Variants in KIF13B observed in about 807,000 individuals in gnomAD.
KIF13B encodes the protein kinesin family member 13B, also known as kinesin-like protein KIF13B.
In KIF13B, 127 loss-of-function variants were observed where a neutral mutation model predicts 222.0. That is an observed-to-expected ratio of 0.57 (90% CI 0.50 to 0.66). The LOEUF (loss-of-function observed/expected upper bound fraction) is 0.66. Ranked by LOEUF, KIF13B falls within the 30% of genes least tolerant of loss-of-function variation. The probability of loss-of-function intolerance (pLI) is 0.00; values close to 1 mark genes in which losing one functional copy is unlikely to be tolerated. For missense variants in KIF13B, 2,173 were observed against 2,379.0 expected, an observed-to-expected ratio of 0.91 and a Z score of 1.80; for synonymous variants, 976 against 919.0, an observed-to-expected ratio of 1.06 and a Z score of -1.12.
Position 29,147,610 on chromosome 8 carries a change from C to G in KIF13B, c.1814-8G>C. 4 of 1,596,916 alleles carry G rather than the reference C, an allele frequency of 2.5e-6. No homozygotes were observed. Among genetic ancestry groups the G allele is most frequent in the Non-Finnish European group, 3.4e-6 (4 of 1,167,256 alleles). On this transcript the variant is annotated splice_region_variant and splice_polypyrimidine_tract_variant and intron_variant, in intron 16 of 39. Transcript: ENST00000524189. ...ATATGGACTGCATCGGATCTAAACA[C>G]ATTTTTAAAAAAGATACATGATCGA...
chr8:29,084,464 A>G (rs925187282), intron 37 of KIF13B, among the ~76,000 whole-genome samples: 5 of 152,190 alleles, frequency 3.3e-5, no homozygotes, highest in Non-Finnish European at 5.9e-5. Flanking sequence ...CTCTTTCTAC[A>G]CAAGCCTTTA....
At chr8:29,080,666 G>A (rs901410327) in intron 37 of KIF13B, among the ~76,000 whole-genome samples, 1 of 152,158 alleles carries the variant, frequency 6.6e-6, no homozygotes, top group African/African-American at 2.4e-5. Flanking sequence ...TCTAACTTTT[G>A]TGTAAAAACC....
At chr8:29,112,374 A>G (rs1424352890) in intron 32 of KIF13B, among the ~76,000 whole-genome samples, 1 of 146,998 alleles carries the variant, frequency 6.8e-6, no homozygotes, top group Non-Finnish European at 1.5e-5. Flanking sequence ...CGGAGGTTGC[A>G]GTGAGCCAAG....
At chr8:29,184,306 G>A (rs533305460) in intron 6 of KIF13B, among the ~76,000 whole-genome samples, 1 of 151,512 alleles carries the variant, frequency 6.6e-6, no homozygotes, top group Non-Finnish European at 1.5e-5. Flanking sequence ...CATTTACTTT[G>A]AATCTTCAGA....
intron 26 of KIF13B, among the ~76,000 whole-genome samples, chr8:29,125,714 A>G (rs1473950034): frequency 6.6e-6 from 1 of 151,692 alleles, no homozygotes; most frequent in African/African-American, 2.4e-5. Context: ...AAAGAAACAA[A>G]GTCTTGCAGG....
rs747353276 is a variant in KIF13B, at chr8:29,186,329, A to G, written c.460T>C (p.Tyr154His). 1 of 1,613,058 alleles carries G rather than the reference A, an allele frequency of 6.2e-7. No individual in the cohort carries two copies. Among genetic ancestry groups the G allele is most frequent in the South Asian group, 1.1e-5 (1 of 90,756 alleles). The change falls in exon 6 of 40, where the codon TAT (tyrosine) becomes CAT (histidine). Residue 154 changes from tyrosine to histidine, a missense_variant. Physicochemically the swap from Tyr to His is moderately conservative, Grantham distance 83. This residue lies in a region of KIF13B where 1,480 missense variants were observed against 1,722.8 expected (regional missense o/e 0.86). Transcript: ENST00000524189. ...FKVEVSYMEI[Y>H]NEKVRDLLDP... ...AGAAGGTCTCGAACTTTTTCATTAT[A>G]AATTTCCATGTAGGACACTTCTACT...
At chr8:29,087,387 A>G (rs779060972) in intron 37 of KIF13B, among the ~76,000 whole-genome samples, 1 of 152,252 alleles carries the variant, frequency 6.6e-6, no homozygotes, top group African/African-American at 2.4e-5. Context: ...TGTATGCATT[A>G]TTTAAAAAAT....
At chr8:29,089,561 T>C (rs1034769696) in intron 37 of KIF13B, among the ~76,000 whole-genome samples, 4 of 152,236 alleles carry the variant, frequency 2.6e-5, no homozygotes, top group Admixed American at 1.3e-4. Context: ...AGAGGGATAA[T>C]TGATAAACAT....
At chr8:29,146,251 A>T (rs1029211495) in intron 18 of KIF13B, 127 bp downstream of exon 18, 2 of 910,762 alleles carry the variant, frequency 2.2e-6, no homozygotes, top group African/African-American at 1.6e-5. Context: ...ACCCAAAAGC[A>T]TGGAGGACAA....
chr8:29,237,968 G>C (rs567404000), intron 2 of KIF13B, among the ~76,000 whole-genome samples: 8 of 152,104 alleles, frequency 5.3e-5, no homozygotes, highest in African/African-American at 1.9e-4. Flanking sequence ...TTAGCAGGAC[G>C]GGCTCCCTGA....
intron 2 of KIF13B, among the ~76,000 whole-genome samples, chr8:29,237,932 G>C (rs1447195407): frequency 6.6e-6 from 1 of 152,162 alleles, no homozygotes; most frequent in East Asian, 1.9e-4. Context: ...ACAGAACCAC[G>C]CTCTCCCCAC....
chr8:29,197,328 C>A (rs1421701617), intron 2 of KIF13B, among the ~76,000 whole-genome samples: 1 of 79,914 alleles, frequency 1.3e-5, no homozygotes, highest in Non-Finnish European at 2.4e-5. Flanking sequence ...CAGAGCGAGA[C>A]TCCGTCTCAA....
chr8:29,094,272 C>CG (rs1808424049), intron 36 of KIF13B, among the ~76,000 whole-genome samples: 1 of 152,098 alleles, frequency 6.6e-6, no homozygotes, highest in Non-Finnish European at 1.5e-5. Flanking sequence ...AACAGTCTCA[C>CG]GGGAACACAA....
intron 10 of KIF13B, among the ~76,000 whole-genome samples, chr8:29,175,493 T>C (rs1049014362): frequency 3.9e-5 from 6 of 152,338 alleles, no homozygotes; most frequent in African/African-American, 1.4e-4. Flanking sequence ...CTTTCTTCTT[T>C]CTCACTTCCA....
At chr8:29,245,270 G>A in intron 2 of KIF13B, 76 bp downstream of exon 2, 1 of 970,838 alleles carries the variant, frequency 1.0e-6, no homozygotes, top group East Asian at 2.6e-5. Flanking sequence ...TCTATTCAAT[G>A]CAACTTAATT....
At chr8:29,225,997 G>T (rs1486904767) in intron 2 of KIF13B, among the ~76,000 whole-genome samples, 1 of 152,156 alleles carries the variant, frequency 6.6e-6, no homozygotes, top group Non-Finnish European at 1.5e-5. Flanking sequence ...AAGTAACTAG[G>T]GTCTGTAGCT....
At chr8:29,076,532 G>A (rs1192619005) in intron 37 of KIF13B, among the ~76,000 whole-genome samples, 1 of 152,172 alleles carries the variant, frequency 6.6e-6, no homozygotes, top group Non-Finnish European at 1.5e-5. Flanking sequence ...GAGCCACACC[G>A]CCCAGGCCTT....
At chr8:29,140,721 A>G (rs1810780419) in intron 19 of KIF13B, 104 bp from the exon 20 acceptor site, 1 of 1,046,532 alleles carries the variant, frequency 9.6e-7, no homozygotes, top group African/African-American at 1.6e-5. Flanking sequence ...CTTAACTTTC[A>G]TCATCCTAAC....
chr8:29,196,260 A>T (rs7838074), intron 2 of KIF13B, 61 bp from the exon 3 acceptor site: 21 of 1,069,984 alleles, frequency 2.0e-5, no homozygotes, highest in Admixed American at 2.8e-5. Context: ...AAAAAAAAAA[A>T]TTTAGTTTAG....
Sources: gnomAD v4.1 joint callset for allele counts (sites outside exome capture counted in the v4.1 genomes callset) on GRCh38, gnomAD v4.1.1 for gene constraint, gnomAD v4.1.1 regional missense constraint, MANE v1.5 for transcripts, NCBI Gene and HGNC (gene_info 2026-07-23, HGNC 2026-07-21) for gene names.